RYR2: variants seen among roughly 807,000 people sequenced by gnomAD.
RYR2 encodes ryanodine receptor 2.
RYR2 carries 227 observed loss-of-function variants against 601.1 expected under a neutral mutation model. The ratio of observed to expected loss-of-function variants is 0.38; its 90% confidence interval spans 0.34 to 0.42. RYR2 has a LOEUF of 0.42. RYR2 is among the 10% of genes least tolerant of loss of function. The pLI is 1.00. For missense variants in RYR2, 4,646 were observed against 6,156.5 expected (o/e 0.75, Z 8.21); for synonymous variants, 2,223 against 2,175.1 (o/e 1.02, Z -0.61).
chr1:237,206,568 C>T (rs1341879915), intron 1 of RYR2, among the ~76,000 whole-genome samples: 1 of 152,078 alleles, frequency 6.6e-6, no homozygotes, highest in Admixed American at 6.5e-5. Flanking sequence ...TACTAAAAGA[C>T]TTATTTATAT....
At chr1:237,413,457 G>A (rs138192404) in intron 10 of RYR2, among the ~76,000 whole-genome samples, 46 of 152,152 alleles carry the variant, frequency 3.0e-4, no homozygotes, top group Admixed American at 1.0e-3. Flanking sequence ...AACCATTTGC[G>A]TGATAATTCT....
At position 237,334,459 on chromosome 1, in the gene RYR2, A is replaced by ATG. The variant is rs752068265; in HGVS notation, c.273+3479_273+3480dup. ...AATTAAAATATATATATATATATATATGTTAAAAGAGAGACCTAGATCCAG... is the reference window on the plus strand; with the variant it reads ...AATTAAAATATATATATATATATATATGTGTTAAAAGAGAGACCTAGATCCAG... On this transcript the variant is annotated intron_variant, in intron 3 of 104. Coordinates refer to ENST00000366574, the MANE Select transcript of RYR2 (RefSeq NM_001035.3). Among the ~76,000 whole-genome samples the ATG allele has an allele frequency of 4.7e-5, 7 of 149,462 alleles. No homozygotes were observed. In the South Asian group the frequency reaches 1.3e-3, roughly 27 times the overall value.
chr1:237,061,257 T>TATCTATC (rs1553275462), intron 1 of RYR2, among the ~76,000 whole-genome samples: 130 of 138,458 alleles, frequency 9.4e-4, no homozygotes, highest in African/African-American at 3.3e-3. Context: ...ATCTATCATC[T>TATCTATC]ATCTATCTAT....
chr1:237,386,711 T>C (rs1024848141), intron 8 of RYR2, among the ~76,000 whole-genome samples: 11 of 152,264 alleles, frequency 7.2e-5, no homozygotes, highest in African/African-American at 2.7e-4. Context: ...AAATCTGAAA[T>C]GTGCTAGTAT....
At chr1:237,095,436 A>C (rs1667413154) in intron 1 of RYR2, among the ~76,000 whole-genome samples, 1 of 152,246 alleles carries the variant, frequency 6.6e-6, no homozygotes, top group Admixed American at 6.5e-5. Context: ...CAAAAAGTGT[A>C]ACATTTCACT....
At chr1:237,616,312 T>C (rs1416245735) in intron 37 of RYR2, among the ~76,000 whole-genome samples, 2 of 152,214 alleles carry the variant, frequency 1.3e-5, no homozygotes, top group Non-Finnish European at 2.9e-5. Context: ...CATTCTCTCT[T>C]AGAAATGTTT....
At chr1:237,479,611 T>C (rs1369434362) in intron 17 of RYR2, among the ~76,000 whole-genome samples, 2 of 152,126 alleles carry the variant, frequency 1.3e-5, no homozygotes, top group African/African-American at 2.4e-5. Context: ...AATTCTCAGG[T>C]GTTTATGTCT....
At chr1:237,625,540 AT>A (rs749918883) in intron 39 of RYR2, 120 bp from the exon 40 acceptor site, 2 of 937,486 alleles carry the variant, frequency 2.1e-6, no homozygotes, top group Non-Finnish European at 3.2e-6. Context: ...GCTTAACTTA[AT>A]GTTAGATGTT....
rs1424228923 is a variant in RYR2 at position 237,127,317 on chromosome 1, G to T, written c.48+84748G>T. Among the ~76,000 whole-genome samples the T allele has an allele frequency of 4.3e-3, 656 of 151,774 alleles. 3 individuals are homozygous for T. Among genetic ancestry groups the T allele is most frequent in the African/African-American group, 0.015 (619 of 41,318 alleles). ...CTGTTGGGTACACCTCCCAGACAGGGTGGTGGCCGGGCAGAGGGGCTCCTC... is the reference window on the plus strand; with the variant it reads ...CTGTTGGGTACACCTCCCAGACAGGTTGGTGGCCGGGCAGAGGGGCTCCTC... On this transcript the variant is annotated intron_variant, in intron 1 of 104. Coordinates refer to ENST00000366574, the MANE Select transcript of RYR2 (RefSeq NM_001035.3).
At chr1:237,068,857 A>AGG (rs1434277168) in intron 1 of RYR2, among the ~76,000 whole-genome samples, 3 of 152,056 alleles carry the variant, frequency 2.0e-5, no homozygotes, top group Non-Finnish European at 2.9e-5. Context: ...TTTAACTGAC[A>AGG]TTTTTCTTCC....
At chr1:237,391,928 A>G (rs1702420410) in intron 10 of RYR2, among the ~76,000 whole-genome samples, 1 of 152,094 alleles carries the variant, frequency 6.6e-6, no homozygotes, top group Admixed American at 6.6e-5. Flanking sequence ...TTGAATCCTG[A>G]CGTGTTCATG....
chr1:237,558,816 A>G (rs757428110), intron 27 of RYR2, among the ~76,000 whole-genome samples: 1 of 151,918 alleles, frequency 6.6e-6, no homozygotes. Flanking sequence ...TCAGTTTTTC[A>G]TACTTGACTA....
chr1:237,614,163 C>T lies in RYR2; in HGVS notation c.5035C>T (p.His1679Tyr). ...NHRVAHALCSHVDEPQLLYAI... is the reference protein window; with the variant it reads ...NHRVAHALCSYVDEPQLLYAI... ...CCGGGTGGCCCATGCCCTGTGCAGC[C>T]ATGTGGATGAACCTCAGCTCCTCTA... The change falls in exon 37 of 105, where the codon CAT (histidine) becomes TAT (tyrosine). Residue 1679 changes from histidine (H) to tyrosine (Y), a missense_variant. This residue lies in a region of RYR2 where 1,807 missense variants were observed against 2,088.1 expected (regional missense o/e 0.87). Transcript: ENST00000366574. This position sits in a 1 kb window ranked among gnomAD's most constrained non-coding sequence, Gnocchi z 4.3. The T allele has an allele frequency of 6.2e-7, 1 of 1,614,052 alleles. No individual in the cohort carries two copies.
Position 237,573,102 on chromosome 1 carries a change from G to T in RYR2, c.3598+3783G>T, listed in dbSNP as rs556323194. ...TTTATGTCTGTATCATGTTCGATTT[G>T]CCATTTTTAACTATCTTCATAATCT... On this transcript the variant is annotated intron_variant, in intron 29 of 104. Transcript: ENST00000366574. Among the ~76,000 whole-genome samples, 16 of 152,082 alleles carry T rather than the reference G, an allele frequency of 1.1e-4. No individual in the cohort carries two copies. In the South Asian group the frequency reaches 3.3e-3, roughly 32 times the overall value.
In RYR2 at chr1:237,651,409, A is replaced by C. The variant is rs1682717454; in HGVS notation, c.7734-2A>C. ...TTATGAACATTAGCTTTGTTCCAAC[A>C]GACAACTGAGACCTTCTATGATGCA... On this transcript the variant is annotated splice_acceptor_variant, in intron 50 of 104. Coordinates refer to ENST00000366574, the MANE Select transcript of RYR2 (RefSeq NM_001035.3). LOFTEE classifies it high-confidence loss of function. The C allele has an allele frequency of 6.3e-7, 1 of 1,586,868 alleles. No homozygotes were observed. Among genetic ancestry groups the C allele is most frequent in the African/African-American group, 1.3e-5 (1 of 74,550 alleles).
At chr1:237,194,255 C>T (rs1278015287) in intron 1 of RYR2, among the ~76,000 whole-genome samples, 4 of 152,090 alleles carry the variant, frequency 2.6e-5, no homozygotes, top group East Asian at 1.9e-4. Context: ...TGGAGAGACC[C>T]GGATTAGAAA....
intron 2 of RYR2, among the ~76,000 whole-genome samples, chr1:237,310,966 C>T (rs1694490817): frequency 6.6e-6 from 1 of 152,022 alleles, no homozygotes; most frequent in Non-Finnish European, 1.5e-5. Flanking sequence ...CATATCGTGA[C>T]AAAATATCAA....
chr1:237,118,353 A>G (rs578257496), intron 1 of RYR2, among the ~76,000 whole-genome samples: 1 of 151,822 alleles, frequency 6.6e-6, no homozygotes, highest in East Asian at 1.9e-4. Context: ...GCAGCCACAG[A>G]CGTTTGCTAG....
intron 16 of RYR2, among the ~76,000 whole-genome samples, chr1:237,463,504 G>T (rs1659712430): frequency 1.3e-5 from 2 of 152,092 alleles, no homozygotes; most frequent in South Asian, 2.1e-4. Flanking sequence ...AATATTGCAT[G>T]ATTCCACTTA....
Sources: allele counts gnomAD v4.1 joint callset (sites outside exome capture counted in the v4.1 genomes callset), GRCh38; gene constraint gnomAD v4.1.1; regional missense constraint gnomAD v4.1.1; non-coding constraint Gnocchi (gnomAD v3.1); transcripts MANE v1.5; gene names NCBI Gene and HGNC (gene_info 2026-07-23, HGNC 2026-07-21).